Variants in CFAP44 observed in about 807,000 individuals in gnomAD.
CFAP44 encodes cilia- and flagella-associated protein 44.
CFAP44 carries 134 observed loss-of-function variants against 216.2 expected under a neutral mutation model. The ratio of observed to expected loss-of-function variants is 0.62; its 90% CI spans 0.54 to 0.72. The LOEUF (loss-of-function observed/expected upper bound fraction) is 0.72. CFAP44 is among the 30% of genes least tolerant of loss of function. The probability of loss-of-function intolerance (pLI) is 0.00; values close to 1 mark genes in which losing one functional copy is unlikely to be tolerated. For synonymous variants in CFAP44, 700 were observed against 727.6 expected, an observed-to-expected ratio of 0.96 and a Z score of 0.61; for missense variants, 2,035 against 2,182.1, an observed-to-expected ratio of 0.93 and a Z score of 1.34.
At chr3:113,327,243 G>A (rs1162876498) in intron 27 of CFAP44, among the ~76,000 whole-genome samples, 1 of 151,982 alleles carries the variant, frequency 6.6e-6, no homozygotes, top group Non-Finnish European at 1.5e-5. Context: ...TTCTTTTTCA[G>A]TTGTTTTCAT....
chr3:113,423,271 C>T (rs1471753818), intron 4 of CFAP44, among the ~76,000 whole-genome samples: 2 of 151,930 alleles, frequency 1.3e-5, no homozygotes, highest in East Asian at 3.9e-4. Flanking sequence ...TGCACCACCA[C>T]ACCTGGCTAA....
intron 32 of CFAP44, among the ~76,000 whole-genome samples, chr3:113,301,013 A>G (rs1265343116): frequency 2.0e-5 from 3 of 152,142 alleles, no homozygotes; most frequent in African/African-American, 7.2e-5. Flanking sequence ...AAACCCTTAT[A>G]TTTTTAGAAA....
At chr3:113,304,440 G>T (rs1440190184) in intron 31 of CFAP44, among the ~76,000 whole-genome samples, 1 of 152,142 alleles carries the variant, frequency 6.6e-6, no homozygotes, top group African/African-American at 2.4e-5. Flanking sequence ...TTTGGGTCAG[G>T]TTACACAAAA....
intron 22 of CFAP44, 86 bp from the exon 23 acceptor site, chr3:113,344,798 A>G: frequency 1.7e-6 from 2 of 1,168,992 alleles, no homozygotes; most frequent in South Asian, 1.8e-5. Context: ...ACTACAATAC[A>G]CTATTCTTAT....
In CFAP44 at chr3:113,311,619, T is replaced by C. The variant is rs747847768; in HGVS notation, c.4517-3351A>G. On this transcript the variant is annotated intron_variant, in intron 28 of 34. Coordinates refer to ENST00000393845, the MANE Select transcript of CFAP44 (RefSeq NM_001164496.2). The stretch of plus-strand genomic sequence containing the variant: ...TATCAGCAGTGTGAAAATGGACTAA[T>C]ACAGTAAATTGGAACCAGTAGAGTG... 1.4e-4 allele frequency among the ~76,000 whole-genome samples: 22 copies of C among 152,270 alleles called. No homozygotes were observed. In the South Asian group the frequency reaches 1.4e-3, roughly 10 times the overall value.
In CFAP44 at chr3:113,403,934, T is replaced by C. The variant is rs140719234; in HGVS notation, c.1088A>G (p.Lys363Arg). The change falls in exon 9 of 35, where the codon AAG becomes AGG. Residue 363 changes from lysine to arginine, a missense_variant. Physicochemically the swap from Lys to Arg is conservative, Grantham distance 26. Coordinates refer to ENST00000393845, the MANE Select transcript of CFAP44 (RefSeq NM_001164496.2). ...IKVELCRGTS[K>R]SCHNGPINQI... is the part of the protein sequence containing the mutation. ...GTTAATGGGACCATTGTGACATGACTTGCTTGTCCCTCGACAGAGCTCCAC... is the reference window on the plus strand; with the variant it reads ...GTTAATGGGACCATTGTGACATGACCTGCTTGTCCCTCGACAGAGCTCCAC... 1,053 of 1,614,208 alleles carry C rather than the reference T, an allele frequency of 6.5e-4. 1 individual carries two copies. Among genetic ancestry groups the C allele is most frequent in the Admixed American group, 8.3e-4 (50 of 60,024 alleles).
At position 113,326,560 on chromosome 3, in the gene CFAP44, G is replaced by A. The variant is rs889212114; in HGVS notation, c.4401C>T (p.Leu1467=). Residue 1467 remains leucine, a synonymous_variant, in exon 28 of 35, where the codon CTC becomes CTT. Coordinates refer to ENST00000393845, the MANE Select transcript of CFAP44 (RefSeq NM_001164496.2). ...ITKLQEQEKA[L]YAGFQAAIGE... ...CAATGGCTGCTTGAAAACCAGCATAGAGTGCCTTTTCTTGCTCCTGGAGTT... is the reference window on the plus strand; with the variant it reads ...CAATGGCTGCTTGAAAACCAGCATAAAGTGCCTTTTCTTGCTCCTGGAGTT... 1.3e-6 allele frequency: 2 copies of A among 1,532,424 alleles called. No homozygotes were observed. Among genetic ancestry groups the A allele is most frequent in the African/African-American group, 2.7e-5 (2 of 72,784 alleles). The allele number at this position is 1,532,424 out of a possible 1,614,324, so 94.9% of individuals were successfully genotyped here.
chr3:113,294,636 T>G (rs776363174), intron 34 of CFAP44, 51 bp downstream of exon 34: 95 of 1,475,632 alleles, frequency 6.4e-5, no homozygotes, highest in Non-Finnish European at 8.0e-5. Context: ...ATAGCTACCT[T>G]TGACAGAGCT....
At chr3:113,291,809 C>A in intron 34 of CFAP44, 61 bp from the exon 35 acceptor site, 2 of 1,506,572 alleles carry the variant, frequency 1.3e-6, no homozygotes, top group South Asian at 2.5e-5. Flanking sequence ...ACTCCATGCC[C>A]TTATACTGTG....
At chr3:113,318,937 T>C (rs1950115112) in intron 28 of CFAP44, among the ~76,000 whole-genome samples, 1 of 149,496 alleles carries the variant, frequency 6.7e-6, no homozygotes. Flanking sequence ...GTGTTAAACA[T>C]GGACTCAAAA....
intron 34 of CFAP44, among the ~76,000 whole-genome samples, chr3:113,292,833 T>C (rs1019606901): frequency 3.9e-5 from 6 of 152,212 alleles, no homozygotes; most frequent in Admixed American, 2.6e-4. Context: ...CACTTAACCT[T>C]ACCCATTTTC....
intron 18 of CFAP44, among the ~76,000 whole-genome samples, chr3:113,369,856 G>T (rs1933091842): frequency 6.6e-6 from 1 of 152,150 alleles, no homozygotes; most frequent in Non-Finnish European, 1.5e-5. Context: ...AAGAAGAAAA[G>T]AGAGGAATCA....
intron 13 of CFAP44, among the ~76,000 whole-genome samples, chr3:113,398,743 A>C (rs1934059209): frequency 6.6e-6 from 1 of 152,208 alleles, no homozygotes; most frequent in South Asian, 2.1e-4. Flanking sequence ...ATTTACTTTT[A>C]GCCTGGAATA....
intron 18 of CFAP44, among the ~76,000 whole-genome samples, chr3:113,371,652 T>C (rs565193371): frequency 1.6e-4 from 25 of 152,288 alleles, no homozygotes; most frequent in African/African-American, 5.8e-4. Context: ...GGCAATACCA[T>C]TCAGGACATA....
intron 5 of CFAP44, chr3:113,417,117 C>T (rs2107387517): frequency 6.5e-6 from 1 of 152,818 alleles, no homozygotes; most frequent in East Asian, 1.9e-4. Flanking sequence ...GGAGACCTTG[C>T]TTTGAGAATC....
intron 22 of CFAP44, among the ~76,000 whole-genome samples, chr3:113,352,227 T>G (rs1353578722): frequency 6.6e-6 from 1 of 152,056 alleles, no homozygotes. Context: ...CAATCAGCGC[T>G]CTGTAAAATG....
At chr3:113,338,549 A>ATT (rs113738948) in intron 24 of CFAP44, among the ~76,000 whole-genome samples, 1 of 150,206 alleles carries the variant, frequency 6.7e-6, no homozygotes, top group Non-Finnish European at 1.5e-5. Context: ...CTCATACCAG[A>ATT]TTTTTTTTTT....
chr3:113,321,402 C>G lies in CFAP44; in HGVS notation c.4516+5043G>C, dbSNP rs11922195. ...TAATAAGAGCGCTATGTCAAATCCA[C>G]ATAGCCAACATCATACTGAATAGGC... On this transcript the variant is annotated intron_variant, in intron 28 of 34. Transcript: ENST00000393845. Among the ~76,000 whole-genome samples, 291 of 152,320 alleles carry G rather than the reference C, an allele frequency of 1.9e-3. 2 individuals carry two copies. Among genetic ancestry groups the G allele is most frequent in the African/African-American group, 5.7e-3 (238 of 41,562 alleles).
chr3:113,341,424 A>G (rs892852922), intron 24 of CFAP44, among the ~76,000 whole-genome samples: 2 of 152,228 alleles, frequency 1.3e-5, no homozygotes, highest in Non-Finnish European at 2.9e-5. Context: ...AAGATGTTAG[A>G]AGAACATACA....
Sources: gnomAD v4.1 joint callset for allele counts (sites outside exome capture counted in the v4.1 genomes callset) on GRCh38, gnomAD v4.1.1 for gene constraint, MANE v1.5 for transcripts, NCBI Gene and HGNC (gene_info 2026-07-23, HGNC 2026-07-21) for gene names.